The following ZNF248 variants were observed in gnomAD, a reference collection of about 807,000 sequenced individuals.
ZNF248 encodes KRAB protein domain.
Under a neutral mutation model 44.3 loss-of-function variants are expected in ZNF248, and 20 were observed. The ratio of observed to expected loss-of-function variants is 0.45; its 90% CI spans 0.32 to 0.66. The LOEUF (loss-of-function observed/expected upper bound fraction) is 0.66. Ranked by LOEUF, ZNF248 falls within the 30% of genes least tolerant of loss-of-function variation. ZNF248 has a pLI of 0.04. For synonymous variants in ZNF248, 224 were observed against 229.0 expected, an observed-to-expected ratio of 0.98 and a Z score of 0.20; for missense variants, 654 against 677.0, an observed-to-expected ratio of 0.97 and a Z score of 0.38.
At chr10:37,822,627 AGATCAGGGGTGTCCAATCTT>A (rs377714788) in intron 6 of ZNF248, among the ~76,000 whole-genome samples, 4,167 of 152,204 alleles carry the variant, frequency 0.027, 141 homozygotes, top group African/African-American at 0.082. Flanking sequence ...AATATAGTCA[AGATCAGGGGTGTCCAATCTT>A]GATCAGGGGT....
chr10:37,853,451 C>T (rs1246300923), intron 3 of ZNF248, among the ~76,000 whole-genome samples: 1 of 152,166 alleles, frequency 6.6e-6, no homozygotes, highest in East Asian at 1.9e-4. Context: ...AATCTCCGCT[C>T]ACTGCAAGCT....
At chr10:37,853,370 T>G (rs531788411) in intron 3 of ZNF248, among the ~76,000 whole-genome samples, 70 of 151,972 alleles carry the variant, frequency 4.6e-4, no homozygotes, top group Non-Finnish European at 4.4e-4. Flanking sequence ...CCAGAAGTCA[T>G]CGGAATGGTT....
intron 6 of ZNF248, chr10:37,796,134 AAAT>A: frequency 6.6e-6 from 1 of 152,296 alleles, no homozygotes; most frequent in East Asian, 1.9e-4. Flanking sequence ...TAACTATGGG[AAAT>A]AATATTTTGT....
chr10:37,790,369 T>A (rs1203583943), intron 6 of ZNF248, among the ~76,000 whole-genome samples: 1 of 151,242 alleles, frequency 6.6e-6, no homozygotes, highest in African/African-American at 2.4e-5. Context: ...CGCTTGAGCC[T>A]GGGAGTTCAA....
In ZNF248 at chr10:37,856,430, C is replaced by G; in HGVS notation, c.-28+5G>C. ...CCTATACAGGTCCACACACAAGATA[C>G]TTACGTGTCCATGTGTGGCTCCGAT... On this transcript the variant is annotated splice_donor_5th_base_variant and intron_variant, in intron 2 of 5. Coordinates refer to ENST00000395867, the MANE Select transcript of ZNF248 (RefSeq NM_021045.3). 1 of 1,503,414 alleles carries G rather than the reference C, an allele frequency of 6.7e-7. No individual in the cohort carries two copies. Among genetic ancestry groups the G allele is most frequent in the Non-Finnish European group, 8.9e-7 (1 of 1,124,054 alleles). 93.1% of individuals were successfully genotyped at this position (1,503,414 alleles called of 1,614,324 possible). A position where few individuals can be genotyped will look rare whatever the true frequency, so the allele number is the denominator to read the frequency against.
chr10:37,764,465 T>G, the ZNF248 span, among the ~76,000 whole-genome samples: 1 of 152,200 alleles, frequency 6.6e-6, no homozygotes, highest in Non-Finnish European at 1.5e-5. Flanking sequence ...TTGTAATATT[T>G]TATTACCTTG....
intron 6 of ZNF248, among the ~76,000 whole-genome samples, chr10:37,818,212 G>A (rs960588927): frequency 9.9e-5 from 15 of 152,118 alleles, no homozygotes; most frequent in African/African-American, 3.1e-4. Flanking sequence ...CACTGTGCCC[G>A]GCCTTCTAGT....
chr10:37,804,677 T>A (rs1026139978), intron 6 of ZNF248, among the ~76,000 whole-genome samples: 2 of 152,182 alleles, frequency 1.3e-5, no homozygotes, highest in Admixed American at 1.3e-4. Flanking sequence ...GCTAGAGTGA[T>A]CCACTCACCC....
intron 6 of ZNF248, among the ~76,000 whole-genome samples, chr10:37,811,861 A>C (rs2051569871): frequency 6.6e-6 from 1 of 151,904 alleles, no homozygotes; most frequent in Non-Finnish European, 1.5e-5. Flanking sequence ...AGTAAACAAT[A>C]AAAATTAAAA....
chr10:37,815,129 T>A (rs2052228330), intron 6 of ZNF248, among the ~76,000 whole-genome samples: 1 of 152,002 alleles, frequency 6.6e-6, no homozygotes, highest in Non-Finnish European at 1.5e-5. Flanking sequence ...TGCAGTGGCA[T>A]CATCTTGGCT....
chr10:37,765,069 T>C, the ZNF248 span, among the ~76,000 whole-genome samples: 134 of 152,210 alleles, frequency 8.8e-4, 1 homozygote, highest in African/African-American at 3.2e-3. Context: ...CAAGAGATTC[T>C]CCTGCCTCGG....
At chr10:37,852,247 C>CA (rs574956571) in intron 3 of ZNF248, among the ~76,000 whole-genome samples, 1,353 of 130,590 alleles carry the variant, frequency 0.01, 14 homozygotes, top group South Asian at 0.07. Flanking sequence ...AACTCCACCT[C>CA]AAAAAAAAAA....
chr10:37,817,307 C>G (rs141072137), intron 6 of ZNF248, among the ~76,000 whole-genome samples: 2,378 of 152,116 alleles, frequency 0.016, 33 homozygotes, highest in Middle Eastern at 0.027. Flanking sequence ...TGGTTAGTTG[C>G]TGTATGCCCT....
chr10:37,829,033 A>G lies in ZNF248; in HGVS notation c.*2582T>C, dbSNP rs2054909350. 1.0e-6 allele frequency: 1 copy of G among 985,330 alleles called. No homozygotes were observed. Among genetic ancestry groups the G allele is most frequent in the Non-Finnish European group, 1.2e-6 (1 of 829,938 alleles). 61.0% of individuals were successfully genotyped at this position (985,330 alleles called of 1,614,324 possible). A position where few individuals can be genotyped will look rare whatever the true frequency, so the allele number is the denominator to read the frequency against. On this transcript the variant is annotated 3_prime_UTR_variant, in exon 6 of 6. Coordinates refer to ENST00000395867, the MANE Select transcript of ZNF248 (RefSeq NM_021045.3). ...TTCTACATAGGAATTTACAGAAATG[A>G]ATAACACTGTGCTGCTTATTCTCCA...
chr10:37,793,950 A>G (rs887096650), intron 6 of ZNF248, among the ~76,000 whole-genome samples: 1 of 152,166 alleles, frequency 6.6e-6, no homozygotes, highest in African/African-American at 2.4e-5. Context: ...AAATCTTGTC[A>G]AATGTTAATA....
downstream of ZNF248, among the ~76,000 whole-genome samples, chr10:37,827,156 C>T (rs763591502): frequency 3.3e-5 from 5 of 152,162 alleles, no homozygotes; most frequent in South Asian, 4.1e-4. Flanking sequence ...TCTCCAAGTT[C>T]GTTTTCTGTT....
intron 6 of ZNF248, among the ~76,000 whole-genome samples, chr10:37,805,053 A>T (rs1213214406): frequency 1.3e-5 from 2 of 152,188 alleles, no homozygotes; most frequent in Admixed American, 6.5e-5. Context: ...ACCCACTTCA[A>T]CACCTAGAAA....
In ZNF248 at chr10:37,829,807, A is replaced by G; in HGVS notation, c.*1808T>C. The G allele has an allele frequency of 1.0e-6, 1 of 985,460 alleles. No homozygotes were observed. The highest frequency in any genetic ancestry group is 1.2e-6 in the Non-Finnish European group (1 of 829,938). 61.0% of individuals were successfully genotyped at this position (985,460 alleles called of 1,614,324 possible). On this transcript the variant is annotated 3_prime_UTR_variant, in exon 6 of 6. Coordinates refer to ENST00000395867, the MANE Select transcript of ZNF248 (RefSeq NM_021045.3). ...GAGATCTTTCCCAGAAGTACTACAC[A>G]ATACTTCCCAAACATCTCATTGCTC...
At chr10:37,764,750 C>T in the ZNF248 span, among the ~76,000 whole-genome samples, 3 of 151,928 alleles carry the variant, frequency 2.0e-5, no homozygotes, top group Non-Finnish European at 4.4e-5. Context: ...AATTCTTTGC[C>T]ATGTTGACTG....
Sources: gnomAD v4.1 joint callset for allele counts (sites outside exome capture counted in the v4.1 genomes callset) on GRCh38, gnomAD v4.1.1 for gene constraint, MANE v1.5 for transcripts, NCBI Gene and HGNC (gene_info 2026-07-23, HGNC 2026-07-21) for gene names.